Variants in AIMP1 observed in about 807,000 individuals in gnomAD.
The protein encoded by AIMP1 is aminoacyl tRNA synthase complex-interacting multifunctional protein 1.
In AIMP1, 24 loss-of-function variants were observed where a neutral mutation model predicts 33.1. That is an observed-to-expected ratio of 0.73 (90% CI 0.53 to 1.02). The LOEUF (loss-of-function observed/expected upper bound fraction) is 1.02, where lower values mean the gene tolerates loss of function less well. AIMP1 is among the 50% of genes least tolerant of loss of function. AIMP1 has a pLI of 0.00. For synonymous variants in AIMP1, 120 were observed against 121.5 expected (o/e 0.99, Z 0.08); for missense variants, 367 against 364.8 (o/e 1.01, Z -0.05).
Position 106,325,065 on chromosome 4 carries a change from A to G in AIMP1, c.56A>G (p.Asp19Gly). Reference sequence around the variant, plus strand: ...CTGGAGCAGAAGGGTGCAGAGGCAGATCAAATCATTGAATATCTTAAGCAG... The same window carrying G: ...CTGGAGCAGAAGGGTGCAGAGGCAGGTCAAATCATTGAATATCTTAAGCAG... ...KRLEQKGAEADQIIEYLKQQV... is the reference protein window; with the variant it reads ...KRLEQKGAEAGQIIEYLKQQV... The change falls in exon 2 of 7, where the codon GAT becomes GGT. Residue 19 changes from aspartate (D) to glycine (G), a missense_variant. By Grantham distance (94) the Asp-to-Gly change is moderately conservative. Transcript: ENST00000672341. 6.2e-7 allele frequency: 1 copy of G among 1,613,256 alleles called. No individual in the cohort carries two copies. Among genetic ancestry groups the G allele is most frequent in the Non-Finnish European group, 8.5e-7 (1 of 1,179,438 alleles).
Position 106,347,597 on chromosome 4 carries a change from G to C in AIMP1, c.844G>C (p.Asp282His). ...EQIQPDLHTNDECVATYKGVP... is the reference protein window; with the variant it reads ...EQIQPDLHTNHECVATYKGVP... The stretch of plus-strand genomic sequence containing the variant: ...GATCCAGCCTGATCTTCACACTAAT[G>C]ATGAGTGTGTGGCTACATACAAAGG... The change falls in exon 7 of 7, where the codon GAT (aspartate) becomes CAT (histidine). Residue 282 changes from aspartate (D) to histidine (H), a missense_variant. Coordinates refer to ENST00000672341, the MANE Select transcript of AIMP1 (RefSeq NM_001142416.2). 1 of 1,613,018 alleles carries C rather than the reference G, an allele frequency of 6.2e-7. No homozygotes were observed. Among genetic ancestry groups the C allele is most frequent in the African/African-American group, 1.3e-5 (1 of 75,006 alleles).
chr4:106,337,039 T>TAA lies in AIMP1; in HGVS notation c.772+3_772+4insAA. The TAA allele has an allele frequency of 6.2e-7, 1 of 1,612,828 alleles. No individual in the cohort carries two copies. Among genetic ancestry groups the TAA allele is most frequent in the African/African-American group, 1.3e-5 (1 of 75,000 alleles). On this transcript the variant is annotated splice_region_variant and intron_variant, in intron 6 of 6. Transcript: ENST00000672341. ...GAATTACTTTTGATGCTTTCCCAGGTAGGTATTTATTAGTAATTACTTAAT... is the reference window on the plus strand; with the variant it reads ...GAATTACTTTTGATGCTTTCCCAGGTAAAGGTATTTATTAGTAATTACTTAAT...
intron 1 of AIMP1, among the ~76,000 whole-genome samples, chr4:106,322,142 A>G (rs1429804744): frequency 6.6e-6 from 1 of 152,200 alleles, no homozygotes; most frequent in African/African-American, 2.4e-5. Flanking sequence ...AGGGACAAAC[A>G]CTGCAGAAGG....
chr4:106,328,342 A>T (rs765544877), intron 4 of AIMP1, 99 bp downstream of exon 4: 18 of 1,373,468 alleles, frequency 1.3e-5, no homozygotes, highest in Admixed American at 8.3e-5. Context: ...AGTAAAGTTC[A>T]ACTTTCATGA....
intron 6 of AIMP1, among the ~76,000 whole-genome samples, chr4:106,341,991 T>C (rs1364156924): frequency 6.6e-6 from 1 of 152,156 alleles, no homozygotes; most frequent in East Asian, 1.9e-4. Context: ...ATAGTTCTCC[T>C]TGTAGAGATC....
At chr4:106,325,254 CT>C in intron 2 of AIMP1, 136 bp downstream of exon 2, 1 of 819,752 alleles carries the variant, frequency 1.2e-6, no homozygotes, top group African/African-American at 1.7e-5. Flanking sequence ...AATATCAAAC[CT>C]GAATTTCTAC....
Position 106,325,134 on chromosome 4 carries a change from A to AT in AIMP1, c.109+22dup. On this transcript the variant is annotated intron_variant, in intron 2 of 6. Transcript: ENST00000672341. ...GAGAAAGCAAGTAAGAAAATTTAAA[A>AT]TTTTTTGAGGAGATACTTAAAATGA... The AT allele has an allele frequency of 6.2e-7, 1 of 1,600,298 alleles. No homozygotes were observed. Among genetic ancestry groups the AT allele is most frequent in the Non-Finnish European group, 8.5e-7 (1 of 1,171,060 alleles).
At chr4:106,336,030 C>CTTTT (rs34219049) in intron 5 of AIMP1, among the ~76,000 whole-genome samples, 6 of 59,426 alleles carry the variant, frequency 1.0e-4, no homozygotes, top group African/African-American at 1.4e-4. Context: ...GTTAAATGAT[C>CTTTT]TTTTTTTTTT....
intron 1 of AIMP1, among the ~76,000 whole-genome samples, chr4:106,324,697 A>G (rs900778901): frequency 6.6e-6 from 1 of 152,038 alleles, no homozygotes; most frequent in Middle Eastern, 3.2e-3. Context: ...CTCTTAGTGT[A>G]CCTGAAGCTT....
At chr4:106,326,363 G>A (rs574993880) in intron 2 of AIMP1, among the ~76,000 whole-genome samples, 2 of 152,120 alleles carry the variant, frequency 1.3e-5, no homozygotes, top group Non-Finnish European at 2.9e-5. Flanking sequence ...TTTTGCAGGA[G>A]TATCCAGCAT....
chr4:106,326,933 A>G (rs1180690875), intron 2 of AIMP1, among the ~76,000 whole-genome samples: 2 of 151,790 alleles, frequency 1.3e-5, no homozygotes, highest in South Asian at 4.2e-4. Flanking sequence ...ATGTACCACA[A>G]CCCCCAGCTA....
At chr4:106,321,628 C>T (rs570405516) in intron 1 of AIMP1, 1 of 162,426 alleles carries the variant, frequency 6.2e-6, no homozygotes, top group Non-Finnish European at 1.3e-5. Flanking sequence ...TGGAGGGCGC[C>T]TCTGCCCGGC....
intron 5 of AIMP1, among the ~76,000 whole-genome samples, chr4:106,333,319 T>A (rs1018385633): frequency 6.6e-6 from 1 of 152,226 alleles, no homozygotes. Context: ...GACAGTTGTA[T>A]CATAATTGCA....
At chr4:106,316,506 G>A, upstream of AIMP1, 5 of 1,544,036 alleles carry the variant, frequency 3.2e-6, no homozygotes, top group Non-Finnish European at 4.4e-6. Flanking sequence ...CACCTCATTG[G>A]GTCCTTTCTC....
At chr4:106,316,710 G>C in intron 1 of AIMP1, 116 bp downstream of exon 1, 1 of 998,146 alleles carries the variant, frequency 1.0e-6, no homozygotes, top group South Asian at 1.6e-5. Flanking sequence ...CTAATGGGTA[G>C]TCCGTTCGCA....
chr4:106,325,902 A>T lies in AIMP1; in HGVS notation c.109+784A>T, dbSNP rs186578379. 5.3e-5 allele frequency among the ~76,000 whole-genome samples: 8 copies of T among 152,316 alleles called. No individual in the cohort carries two copies. In the East Asian group the frequency reaches 1.5e-3, roughly 29 times the overall value. ...TAAAAAGAAAGGTATAAGTAGTAGTAACAATAATATGTATTTCAGTAAGTA... is the reference window on the plus strand; with the variant it reads ...TAAAAAGAAAGGTATAAGTAGTAGTTACAATAATATGTATTTCAGTAAGTA... On this transcript the variant is annotated intron_variant, in intron 2 of 6. Coordinates refer to ENST00000672341, the MANE Select transcript of AIMP1 (RefSeq NM_001142416.2).
In AIMP1 at chr4:106,332,060, T is replaced by C. The variant is rs180895145; in HGVS notation, c.603+177T>C. ...AAAAAGCATAAAACCACCAAAAACC[T>C]GTAAAACATCTGTAAATTAAGATAT... On this transcript the variant is annotated intron_variant, in intron 5 of 6. Coordinates refer to ENST00000672341, the MANE Select transcript of AIMP1 (RefSeq NM_001142416.2). Among the ~76,000 whole-genome samples, 1,301 of 152,228 alleles carry C rather than the reference T, an allele frequency of 8.5e-3. 11 individuals are homozygous for C. Among genetic ancestry groups the C allele is most frequent in the Middle Eastern group, 0.024 (7 of 294 alleles).
At chr4:106,344,219 CT>C (rs1032440170) in intron 6 of AIMP1, among the ~76,000 whole-genome samples, 1 of 151,950 alleles carries the variant, frequency 6.6e-6, no homozygotes, top group Non-Finnish European at 1.5e-5. Context: ...ATTTGGACCT[CT>C]TTTTTTTCCA....
chr4:106,335,721 CT>C (rs1324973734), intron 5 of AIMP1, among the ~76,000 whole-genome samples: 1 of 151,892 alleles, frequency 6.6e-6, no homozygotes, highest in Non-Finnish European at 1.5e-5. Flanking sequence ...GAATTTGACT[CT>C]TAGGCTCATT....
Sources: gnomAD v4.1 joint callset for allele counts (sites outside exome capture counted in the v4.1 genomes callset) on GRCh38, gnomAD v4.1.1 for gene constraint, MANE v1.5 for transcripts, NCBI Gene and HGNC (gene_info 2026-07-23, HGNC 2026-07-21) for gene names.